The following SMURF1 variants were observed in gnomAD, a reference collection of about 807,000 sequenced individuals.
SMURF1 encodes the protein SMAD specific E3 ubiquitin protein ligase 1, also known as E3 ubiquitin-protein ligase SMURF1.
In SMURF1, 44 loss-of-function variants were observed where a neutral mutation model predicts 98.0. The observed-to-expected ratio is 0.45, with a 90% CI of 0.35 to 0.58. The LOEUF (loss-of-function observed/expected upper bound fraction) is 0.58. Ranked by LOEUF, SMURF1 falls within the 20% of genes least tolerant of loss-of-function variation. The probability of loss-of-function intolerance (pLI) is 0.00; values close to 1 mark genes in which losing one functional copy is unlikely to be tolerated. For synonymous variants in SMURF1, 396 were observed against 374.9 expected (o/e 1.06, Z -0.65); for missense variants, 687 against 938.4 (o/e 0.73, Z 3.50).
At chr7:99,131,209 A>C (rs1797865193) in intron 1 of SMURF1, among the ~76,000 whole-genome samples, 1 of 152,152 alleles carries the variant, frequency 6.6e-6, no homozygotes, top group African/African-American at 2.4e-5. Context: ...TGCTACTTAC[A>C]TCTGAAGGTA....
At chr7:99,124,799 G>A (rs1263394483) in intron 1 of SMURF1, among the ~76,000 whole-genome samples, 1 of 152,132 alleles carries the variant, frequency 6.6e-6, no homozygotes, top group Non-Finnish European at 1.5e-5. Context: ...TCCAGGGCAG[G>A]GCCAACTAAA....
At chr7:99,072,929 A>AT (rs1215420690) in intron 1 of SMURF1, among the ~76,000 whole-genome samples, 2 of 152,226 alleles carry the variant, frequency 1.3e-5, no homozygotes, top group African/African-American at 4.8e-5. Context: ...ATTATGCTCA[A>AT]CTTGATTGAG....
intron 1 of SMURF1, among the ~76,000 whole-genome samples, chr7:99,110,317 A>C (rs2150603135): frequency 6.6e-6 from 1 of 152,360 alleles, no homozygotes; most frequent in South Asian, 2.1e-4. Flanking sequence ...GGAGAAACAT[A>C]ACAAGTTCTT....
chr7:99,051,281 C>T, intron 8 of SMURF1, 76 bp downstream of exon 8: 1 of 1,149,336 alleles, frequency 8.7e-7, no homozygotes, highest in Non-Finnish European at 1.3e-6. Flanking sequence ...ACAAGAGCAA[C>T]ACATCTGGAA....
chr7:99,056,394 T>TCCAACAGACTG (rs1182066848), intron 5 of SMURF1, among the ~76,000 whole-genome samples: 1 of 152,182 alleles, frequency 6.6e-6, no homozygotes, highest in Non-Finnish European at 1.5e-5. Context: ...CTAAATCACT[T>TCCAACAGACTG]CCAACAGACT....
intron 1 of SMURF1, among the ~76,000 whole-genome samples, chr7:99,072,019 C>T (rs867784735): frequency 1.3e-5 from 2 of 151,484 alleles, no homozygotes; most frequent in African/African-American, 4.9e-5. Flanking sequence ...TTCAAGGCTG[C>T]GGTAAGCTAT....
intron 1 of SMURF1, among the ~76,000 whole-genome samples, chr7:99,094,939 C>T (rs1313799745): frequency 6.6e-6 from 1 of 152,208 alleles, no homozygotes. Context: ...CCTGCACTGG[C>T]TCCATCAATG....
intron 1 of SMURF1, among the ~76,000 whole-genome samples, chr7:99,134,938 C>T (rs1319497845): frequency 6.6e-6 from 1 of 152,060 alleles, no homozygotes; most frequent in Non-Finnish European, 1.5e-5. Context: ...GGGGGTCAGG[C>T]AACTCGCTAT....
intron 1 of SMURF1, among the ~76,000 whole-genome samples, chr7:99,110,323 T>A (rs1316216141): frequency 6.6e-6 from 1 of 152,202 alleles, no homozygotes; most frequent in Admixed American, 6.5e-5. Flanking sequence ...ACATAACAAG[T>A]TCTTGGATAA....
At chr7:99,122,763 T>C (rs1797667421) in intron 1 of SMURF1, among the ~76,000 whole-genome samples, 1 of 145,138 alleles carries the variant, frequency 6.9e-6, no homozygotes, top group Non-Finnish European at 1.5e-5. Flanking sequence ...TTTTTTTTTT[T>C]TTTTTTACAT....
At chr7:99,052,680 A>G (rs1041326866) in intron 6 of SMURF1, among the ~76,000 whole-genome samples, 15 of 152,246 alleles carry the variant, frequency 9.9e-5, no homozygotes, top group African/African-American at 3.4e-4. Flanking sequence ...CCAACTGTAC[A>G]ATTTCACCAT....
chr7:99,053,957 G>T (rs758018893), intron 6 of SMURF1, among the ~76,000 whole-genome samples: 17 of 151,994 alleles, frequency 1.1e-4, no homozygotes, highest in Non-Finnish European at 1.9e-4. Context: ...TTGAGCCAGG[G>T]TCTTGCTGTG....
chr7:99,051,082 TA>T, intron 8 of SMURF1: 3 of 1,256,642 alleles, frequency 2.4e-6, no homozygotes, highest in Non-Finnish European at 3.4e-6. Flanking sequence ...TTTAAGCATA[TA>T]AAAAAGTTAG....
At chr7:99,105,519 C>A (rs1026149906) in intron 1 of SMURF1, among the ~76,000 whole-genome samples, 5 of 152,118 alleles carry the variant, frequency 3.3e-5, no homozygotes, top group Admixed American at 3.3e-4. Flanking sequence ...TAATCTAATT[C>A]TTGAAATTAA....
intron 1 of SMURF1, among the ~76,000 whole-genome samples, chr7:99,137,428 T>G (rs1420542467): frequency 6.6e-6 from 1 of 152,230 alleles, no homozygotes; most frequent in Non-Finnish European, 1.5e-5. Flanking sequence ...TCAGACCTTC[T>G]GATCCCCAGT....
Position 99,040,486 on chromosome 7 carries a change from T to G in SMURF1, c.1442A>C (p.Asn481Thr). Reference sequence around the variant, plus strand: ...GTAGAAGGGCACTGTGAAGCCCCCGTTGATGTAGTGTCCATGGAACACAGC... The same window carrying G: ...GTAGAAGGGCACTGTGAAGCCCCCGGTGATGTAGTGTCCATGGAACACAGC... Reference protein sequence around the residue: ...GLAVFHGHYINGGFTVPFYKQ... With the variant: ...GLAVFHGHYITGGFTVPFYKQ... Residue 481 changes from asparagine (N) to threonine (T), a missense_variant, in exon 13 of 18, where the codon AAC (asparagine) becomes ACC (threonine). Coordinates refer to ENST00000361368, the MANE Select transcript of SMURF1 (RefSeq NM_181349.3). 6.3e-7 allele frequency: 1 copy of G among 1,589,422 alleles called. No homozygotes were observed. Among genetic ancestry groups the G allele is most frequent in the Non-Finnish European group, 8.6e-7 (1 of 1,167,932 alleles).
In SMURF1 at chr7:99,049,638, G is replaced by A. The variant is rs765934476; in HGVS notation, c.878C>T (p.Ser293Phe). The A allele has an allele frequency of 6.2e-7, 1 of 1,614,046 alleles. No homozygotes were observed. The highest frequency in any genetic ancestry group is 1.3e-5 in the African/African-American group (1 of 74,924). Residue 293 changes from serine to phenylalanine, a missense_variant, in exon 9 of 18, where the codon TCT becomes TTT. By Grantham distance (155) the Ser-to-Phe change is radical (BLOSUM62 -2). Coordinates refer to ENST00000361368, the MANE Select transcript of SMURF1 (RefSeq NM_181349.3). ...ATGATCTACAAAATATATCCTCCCA[G>A]AAACTGTACTTCTGACTTCCCAGCC... ...PPGWEVRSTV[S>F]GRIYFVDHNN...
intron 1 of SMURF1, among the ~76,000 whole-genome samples, chr7:99,142,531 G>C (rs1798149139): frequency 6.6e-6 from 1 of 150,714 alleles, no homozygotes; most frequent in Admixed American, 6.6e-5. Flanking sequence ...GGAAAGAAAG[G>C]GTGGAGGCCT....
intron 1 of SMURF1, among the ~76,000 whole-genome samples, chr7:99,090,174 T>A (rs1796777579): frequency 6.6e-6 from 1 of 152,180 alleles, no homozygotes; most frequent in Admixed American, 6.5e-5. Flanking sequence ...TCACAAACAC[T>A]GCAACTAGCG....
Sources: allele counts gnomAD v4.1 joint callset (sites outside exome capture counted in the v4.1 genomes callset), GRCh38; gene constraint gnomAD v4.1.1; transcripts MANE v1.5; gene names NCBI Gene and HGNC (gene_info 2026-07-23, HGNC 2026-07-21).